Variants in TTLL7 observed in about 807,000 individuals in gnomAD.
TTLL7 encodes the protein tubulin polyglutamylase TTLL7.
TTLL7 carries 53 observed loss-of-function variants against 120.2 expected under a neutral mutation model. The observed-to-expected ratio is 0.44, with a 90% CI of 0.35 to 0.55. The LOEUF is 0.55. TTLL7 is among the 20% of genes least tolerant of loss of function. TTLL7 has a pLI of 0.00. For synonymous variants in TTLL7, 353 were observed against 351.7 expected, an observed-to-expected ratio of 1.00 and a Z score of -0.04; for missense variants, 803 against 1,054.7, an observed-to-expected ratio of 0.76 and a Z score of 3.31.
chr1:83,927,678 A>C (rs964761263), intron 10 of TTLL7, among the ~76,000 whole-genome samples: 3 of 152,204 alleles, frequency 2.0e-5, no homozygotes, highest in African/African-American at 7.2e-5. Flanking sequence ...TAATGAAAGT[A>C]AGATCATTCC....
At position 83,948,342 on chromosome 1, in the gene TTLL7, T is replaced by G. The variant is rs1248661602; in HGVS notation, c.347+286A>C. ...CTCTGTTACTAAAGAGGCAACAAGT[T>G]GCAGTAAAGAGGCCTGAGATTCTGG... On this transcript the variant is annotated intron_variant, in intron 5 of 20. Transcript: ENST00000260505. Among the ~76,000 whole-genome samples the G allele has an allele frequency of 5.3e-5, 8 of 152,178 alleles. 1 individual carries two copies. Among genetic ancestry groups the G allele is most frequent in the South Asian group, 4.1e-4 (2 of 4,828 alleles).
chr1:83,895,694 T>C (rs1656153163), intron 18 of TTLL7, among the ~76,000 whole-genome samples: 1 of 152,086 alleles, frequency 6.6e-6, no homozygotes. Context: ...ACAAAGCAGA[T>C]AAGTAACTTG....
intron 20 of TTLL7, among the ~76,000 whole-genome samples, chr1:83,878,576 G>C (rs1182686668): frequency 6.6e-6 from 1 of 151,828 alleles, no homozygotes; most frequent in African/African-American, 2.4e-5. Context: ...CTCACTAACA[G>C]GTACTGGGTT....
rs755952397 is a variant in TTLL7 at position 83,869,922 on chromosome 1, T to C, written c.*40A>G. ...TTCAACTTCAGAGGAAAAAAATGAATTGCTGTTATGTATAACCAATGGCGA... is the reference window on the plus strand; with the variant it reads ...TTCAACTTCAGAGGAAAAAAATGAACTGCTGTTATGTATAACCAATGGCGA... On this transcript the variant is annotated 3_prime_UTR_variant, in exon 21 of 21. Coordinates refer to ENST00000260505, the MANE Select transcript of TTLL7 (RefSeq NM_024686.6). 2 of 1,582,572 alleles carry C rather than the reference T, an allele frequency of 1.3e-6. No homozygotes were observed. The highest frequency in any genetic ancestry group is 4.6e-5 in the East Asian group (2 of 43,724).
chr1:83,989,446 T>C (rs2100639470), intron 1 of TTLL7, among the ~76,000 whole-genome samples: 1 of 152,260 alleles, frequency 6.6e-6, no homozygotes, highest in Non-Finnish European at 1.5e-5. Context: ...CTTTTCCATA[T>C]TAGTTTTGTC....
intron 8 of TTLL7, among the ~76,000 whole-genome samples, chr1:83,937,607 G>A (rs990002905): frequency 6.6e-6 from 1 of 152,094 alleles, no homozygotes; most frequent in Non-Finnish European, 1.5e-5. Flanking sequence ...TCCTGTTCTA[G>A]GCTTGTGTAA....
intron 1 of TTLL7, among the ~76,000 whole-genome samples, chr1:83,997,330 T>C (rs775917312): frequency 6.6e-6 from 1 of 152,180 alleles, no homozygotes; most frequent in Non-Finnish European, 1.5e-5. Flanking sequence ...AGAAAAAATC[T>C]GTAAGTCGCT....
chr1:83,962,412 A>T (rs1650092365), intron 1 of TTLL7, among the ~76,000 whole-genome samples: 1 of 152,110 alleles, frequency 6.6e-6, no homozygotes, highest in Non-Finnish European at 1.5e-5. Context: ...GGTTTGTATT[A>T]GTTTACTATT....
At chr1:83,935,263 G>C (rs757171000) in intron 8 of TTLL7, among the ~76,000 whole-genome samples, 1 of 152,070 alleles carries the variant, frequency 6.6e-6, no homozygotes, top group Non-Finnish European at 1.5e-5. Flanking sequence ...TGACTGATAA[G>C]TATCTGTATG....
At position 83,937,840 on chromosome 1, in the gene TTLL7, G is replaced by A; in HGVS notation, c.888+12C>T. 2 of 1,613,014 alleles carry A rather than the reference G, an allele frequency of 1.2e-6. No individual in the cohort carries two copies. Among genetic ancestry groups the A allele is most frequent in the Non-Finnish European group, 1.7e-6 (2 of 1,179,156 alleles). ...GAAAGACTGTTATAATTGTGGAATG[G>A]CATAATCTTACTGAAATATCACTCC... On this transcript the variant is annotated intron_variant, in intron 8 of 20. Transcript: ENST00000260505.
rs748584015 is a variant in TTLL7, at chr1:83,949,914, C to T, written c.230G>A (p.Cys77Tyr). Reference sequence around the variant, plus strand: ...TTTCTCCTGCTGAACAGCAGAATCACACCATATAAGATTACTTGTTTCATC... The same window carrying T: ...TTTCTCCTGCTGAACAGCAGAATCATACCATATAAGATTACTTGTTTCATC... Reference protein sequence around the residue: ...DEDETSNLIWCDSAVQQEKIS... With the variant: ...DEDETSNLIWYDSAVQQEKIS... Residue 77 changes from cysteine (C) to tyrosine (Y), a missense_variant, in exon 4 of 21, where the codon TGT (cysteine) becomes TAT (tyrosine). This residue lies in a region of TTLL7 where 91 missense variants were observed against 96.6 expected (regional missense o/e 0.94). Coordinates refer to ENST00000260505, the MANE Select transcript of TTLL7 (RefSeq NM_024686.6). 9 of 1,613,648 alleles carry T rather than the reference C, an allele frequency of 5.6e-6. No homozygotes were observed. Among genetic ancestry groups the T allele is most frequent in the East Asian group, 2.2e-5 (1 of 44,860 alleles).
Position 83,868,376 on chromosome 1 carries a change from C to T in TTLL7, c.*1586G>A, listed in dbSNP as rs1279199610. On this transcript the variant is annotated 3_prime_UTR_variant, in exon 21 of 21. Transcript: ENST00000260505. Reference sequence around the variant, plus strand: ...TGATTTCAATGTCAAAGTAGTACGGCTTATATTTTTATGGAAAACTGAAAG... The same window carrying T: ...TGATTTCAATGTCAAAGTAGTACGGTTTATATTTTTATGGAAAACTGAAAG... 6.6e-6 allele frequency: 1 copy of T among 152,098 alleles called. No individual in the cohort carries two copies. Among genetic ancestry groups the T allele is most frequent in the Admixed American group, 6.6e-5 (1 of 15,266 alleles). The allele number at this position is 152,098 out of a possible 1,614,324, so 9.4% of individuals were successfully genotyped here.
At chr1:83,985,343 G>A (rs1185771729) in intron 1 of TTLL7, among the ~76,000 whole-genome samples, 7 of 152,172 alleles carry the variant, frequency 4.6e-5, no homozygotes, top group Non-Finnish European at 1.0e-4. Context: ...GAGAAAGAAG[G>A]CAGCCAGAAG....
At position 83,900,696 on chromosome 1, in the gene TTLL7, A is replaced by G. The variant is rs1436007300; in HGVS notation, c.2208+3383T>C. Among the ~76,000 whole-genome samples the G allele has an allele frequency of 2.0e-5, 3 of 152,124 alleles. No individual in the cohort carries two copies. In the South Asian group the frequency reaches 6.2e-4, roughly 32 times the overall value. ...GAATGCTTATGTACAAAAATCTTTT[A>G]CACGTTCAGGCAATTATTCTGTAGG... is the stretch of plus-strand genomic sequence containing the variant. On this transcript the variant is annotated intron_variant, in intron 18 of 20. Coordinates refer to ENST00000260505, the MANE Select transcript of TTLL7 (RefSeq NM_024686.6).
chr1:83,983,104 G>A (rs1226071772), intron 1 of TTLL7, among the ~76,000 whole-genome samples: 1 of 152,176 alleles, frequency 6.6e-6, no homozygotes, highest in Non-Finnish European at 1.5e-5. Flanking sequence ...GGCAAAAGCA[G>A]GTGGAGCAGT....
intron 1 of TTLL7, among the ~76,000 whole-genome samples, chr1:83,983,360 A>C (rs1317349762): frequency 6.6e-6 from 1 of 152,130 alleles, no homozygotes; most frequent in Non-Finnish European, 1.5e-5. Flanking sequence ...ATAAGCAATA[A>C]GAAAAAGACT....
intron 13 of TTLL7, among the ~76,000 whole-genome samples, chr1:83,919,015 A>C (rs1658419527): frequency 6.6e-6 from 1 of 152,026 alleles, no homozygotes; most frequent in Non-Finnish European, 1.5e-5. Flanking sequence ...GATACCAGCC[A>C]GCTCCCAGAT....
At chr1:83,986,995 A>G (rs185518430) in intron 1 of TTLL7, among the ~76,000 whole-genome samples, 118 of 152,302 alleles carry the variant, frequency 7.7e-4, no homozygotes, top group Admixed American at 6.5e-3. Flanking sequence ...TGATGACATG[A>G]TTGTCTACAT....
At chr1:83,997,101 C>A (rs1030523062) in intron 1 of TTLL7, among the ~76,000 whole-genome samples, 2 of 152,180 alleles carry the variant, frequency 1.3e-5, no homozygotes, top group African/African-American at 4.8e-5. Flanking sequence ...TAAATTTGTG[C>A]CTCCATTTTA....
Sources: gnomAD v4.1 joint callset for allele counts (sites outside exome capture counted in the v4.1 genomes callset) on GRCh38, gnomAD v4.1.1 for gene constraint, gnomAD v4.1.1 regional missense constraint, MANE v1.5 for transcripts, NCBI Gene and HGNC (gene_info 2026-07-23, HGNC 2026-07-21) for gene names.